The following PIGN variants were observed in gnomAD, a reference collection of about 807,000 sequenced individuals.
PIGN encodes the protein phosphatidylinositol glycan anchor biosynthesis class N.
In PIGN, 117 loss-of-function variants were observed where a neutral mutation model predicts 125.4. The ratio of observed to expected loss-of-function variants is 0.93; its 90% CI spans 0.80 to 1.09. The LOEUF (loss-of-function observed/expected upper bound fraction) is 1.09. Ranked by LOEUF, PIGN falls within the 50% of genes least tolerant of loss-of-function variation. PIGN has a pLI of 0.00. For synonymous variants in PIGN, 392 were observed against 377.8 expected (o/e 1.04, Z -0.44); for missense variants, 1,075 against 1,094.9 (o/e 0.98, Z 0.26).
At position 62,049,672 on chromosome 18, in the gene PIGN, T is replaced by G. The variant is rs1379442944; in HGVS notation, c.2673-3693A>C. 6.3e-3 allele frequency among the ~76,000 whole-genome samples: 946 copies of G among 149,748 alleles called. 2 individuals are homozygous for G. The highest frequency in any genetic ancestry group is 9.4e-3 in the South Asian group (44 of 4,694). On this transcript the variant is annotated intron_variant, in intron 30 of 30. Transcript: ENST00000640252. ...GTTGCCTGTTCACTCTGATGGTAGT[T>G]TCTTTTGCTGTGAAGAAGCTCTTTA...
chr18:62,105,666 A>AAGG, intron 19 of PIGN, 32 bp from the exon 20 acceptor site: 1 of 1,279,160 alleles, frequency 7.8e-7, no homozygotes, highest in African/African-American at 1.5e-5. Context: ...TCTTTAGACA[A>AAGG]ATATGGTATA....
At position 62,045,942 on chromosome 18, in the gene PIGN, A is replaced by G. The variant is rs778713455; in HGVS notation, c.2710T>C (p.Phe904Leu). 3 of 1,613,442 alleles carry G rather than the reference A, an allele frequency of 1.9e-6. No individual in the cohort carries two copies. The South Asian group carries it at 3.3e-5, about 18-fold the overall frequency. The change falls in exon 31 of 31, where the codon TTT becomes CTT. Residue 904 changes from phenylalanine to leucine, a missense_variant. This residue lies in a region of PIGN where 915 missense variants were observed against 908.7 expected (regional missense o/e 1.01). Transcript: ENST00000640252. ...HYVIVMSMTI[F>L]LVFLNGLAQL... ...GCCAGGCCATTGAGGAACACCAAAAAGATGGTCATGGACATGACAATCACA... is the reference window on the plus strand; with the variant it reads ...GCCAGGCCATTGAGGAACACCAAAAGGATGGTCATGGACATGACAATCACA...
At chr18:62,025,285 A>G (rs1466735711) in intron 23 of PIGN, among the ~76,000 whole-genome samples, 1 of 152,216 alleles carries the variant, frequency 6.6e-6, no homozygotes, top group African/African-American at 2.4e-5. Context: ...AGTCAACATT[A>G]GGTTTTTGTG....
chr18:62,115,150 A>C (rs2035039707), intron 14 of PIGN, among the ~76,000 whole-genome samples: 1 of 152,136 alleles, frequency 6.6e-6, no homozygotes, highest in Non-Finnish European at 1.5e-5. Context: ...CGTATTTGCT[A>C]TTTTTATACT....
At chr18:62,103,026 G>T (rs1013237725) in intron 20 of PIGN, 124 bp from the exon 21 acceptor site, 2 of 444,596 alleles carry the variant, frequency 4.5e-6, no homozygotes, top group Admixed American at 8.6e-5. Flanking sequence ...TCAAGAGGAA[G>T]TAGCAAAATG....
intron 30 of PIGN, among the ~76,000 whole-genome samples, chr18:62,060,530 G>A (rs2032054219): frequency 1.4e-5 from 2 of 147,436 alleles, no homozygotes; most frequent in African/African-American, 4.8e-5. Flanking sequence ...GATGTTTTAT[G>A]ACACTTATTA....
intron 11 of PIGN, among the ~76,000 whole-genome samples, chr18:62,140,992 C>T (rs1001558333): frequency 2.6e-5 from 4 of 152,168 alleles, no homozygotes; most frequent in African/African-American, 4.8e-5. Flanking sequence ...TTCAATTTCT[C>T]GGAAGAGTTG....
At chr18:62,147,582 G>A (rs1034485171) in intron 8 of PIGN, among the ~76,000 whole-genome samples, 28 of 152,314 alleles carry the variant, frequency 1.8e-4, no homozygotes, top group Non-Finnish European at 4.1e-4. Flanking sequence ...TTACAGCAGT[G>A]CATCACGTTT....
chr18:62,099,258 G>A (rs1253155481), intron 22 of PIGN, among the ~76,000 whole-genome samples: 2 of 152,060 alleles, frequency 1.3e-5, no homozygotes, highest in African/African-American at 2.4e-5. Context: ...GAAACAGCAC[G>A]AAATCTAGAG....
intron 23 of PIGN, among the ~76,000 whole-genome samples, chr18:62,020,847 G>C (rs1333789595): frequency 2.0e-5 from 3 of 151,530 alleles, no homozygotes; most frequent in Non-Finnish European, 4.4e-5. Context: ...TGTAGTCCCA[G>C]CTACTCGGGA....
Position 62,146,015 on chromosome 18 carries a change from C to A in PIGN, c.816G>T (p.Gly272=). The A allele has an allele frequency of 6.7e-7, 1 of 1,502,292 alleles. No homozygotes were observed. The highest frequency in any genetic ancestry group is 1.2e-5 in the South Asian group (1 of 81,500). The allele number at this position is 1,502,292 out of a possible 1,614,324, so 93.1% of individuals were successfully genotyped here. Residue 272 remains glycine (G), a synonymous_variant, in exon 10 of 31, where the codon GGG becomes GGT. Transcript: ENST00000640252. The stretch of plus-strand genomic sequence containing the variant: ...TTAAAGTCTCTGAAGGATGACCAGC[C>A]CCATGGGAACCTACAAATAAGATAT... The part of the protein sequence containing the change: ...DHGMTDWGSH[G]AGHPSETLTP...
At chr18:62,082,532 C>T (rs776802857) in intron 28 of PIGN, 141 bp downstream of exon 28, 9 of 500,758 alleles carry the variant, frequency 1.8e-5, no homozygotes, top group Non-Finnish European at 3.2e-5. Context: ...ACTGACTAAA[C>T]GGGTGAAAAT....
intron 28 of PIGN, among the ~76,000 whole-genome samples, chr18:62,079,675 G>A (rs2033352156): frequency 6.7e-6 from 1 of 149,588 alleles, no homozygotes; most frequent in Admixed American, 6.7e-5. Context: ...TGTAATATCT[G>A]ATCTAGGTGA....
At chr18:62,104,123 A>T in intron 20 of PIGN, among the ~76,000 whole-genome samples, 1 of 152,324 alleles carries the variant, frequency 6.6e-6, no homozygotes, top group African/African-American at 2.4e-5. Context: ...AGGAATCAAA[A>T]TAAATAAGTT....
At chr18:62,110,491 G>T (rs2034832973) in intron 16 of PIGN, among the ~76,000 whole-genome samples, 1 of 152,080 alleles carries the variant, frequency 6.6e-6, no homozygotes. Flanking sequence ...CCAAAACAGA[G>T]AATTCATCAA....
chr18:62,033,314 A>C (rs1055272517), intron 23 of PIGN, among the ~76,000 whole-genome samples: 10 of 152,320 alleles, frequency 6.6e-5, no homozygotes, highest in African/African-American at 2.4e-4. Context: ...TGGATTTGTA[A>C]AGTTGGATTG....
chr18:62,186,232 G>A (rs1239862390), intron 1 of PIGN: 1 of 152,184 alleles, frequency 6.6e-6, no homozygotes, highest in East Asian at 1.9e-4. Context: ...TGTGTTTTTA[G>A]TAGAGAAGGG....
intron 1 of PIGN, among the ~76,000 whole-genome samples, chr18:62,172,210 C>G (rs1041092489): frequency 6.6e-6 from 1 of 151,994 alleles, no homozygotes; most frequent in Non-Finnish European, 1.5e-5. Context: ...GGAATTTATC[C>G]ATTTGTCCAT....
chr18:62,123,219 A>C (rs1302438928), intron 14 of PIGN, among the ~76,000 whole-genome samples: 2 of 152,172 alleles, frequency 1.3e-5, no homozygotes, highest in Non-Finnish European at 2.9e-5. Flanking sequence ...CAGCCTGGGC[A>C]ACAGCGTAAG....
Sources: allele counts gnomAD v4.1 joint callset (sites outside exome capture counted in the v4.1 genomes callset), GRCh38; gene constraint gnomAD v4.1.1; regional missense constraint gnomAD v4.1.1; transcripts MANE v1.5; gene names NCBI Gene and HGNC (gene_info 2026-07-23, HGNC 2026-07-21).